Variants in STAG1 observed in about 807,000 individuals in gnomAD.
STAG1 encodes cohesin subunit SA-1.
STAG1 carries 26 observed loss-of-function variants against 170.9 expected under a neutral mutation model. The observed-to-expected ratio is 0.15, with a 90% CI of 0.11 to 0.21. STAG1 has a LOEUF of 0.21. STAG1 is among the 10% of genes least tolerant of loss of function. STAG1 has a pLI of 1.00. For missense variants in STAG1, 964 were observed against 1,509.5 expected (o/e 0.64, Z 5.99); for synonymous variants, 514 against 497.7 (o/e 1.03, Z -0.44).
intron 9 of STAG1, among the ~76,000 whole-genome samples, chr3:136,493,922 T>C (rs1243228621): frequency 8.5e-5 from 13 of 152,278 alleles, no homozygotes; most frequent in Admixed American, 7.8e-4. Context: ...TTGCATGAAA[T>C]AGACATATTG....
intron 21 of STAG1, among the ~76,000 whole-genome samples, chr3:136,399,718 G>A (rs1576428113): frequency 1.3e-5 from 2 of 152,084 alleles, no homozygotes; most frequent in East Asian, 3.9e-4. Flanking sequence ...TTTTTCTAGG[G>A]CAGAGGTTTT....
At chr3:136,448,211 T>C (rs2088840081) in intron 14 of STAG1, among the ~76,000 whole-genome samples, 1 of 152,172 alleles carries the variant, frequency 6.6e-6, no homozygotes, top group Non-Finnish European at 1.5e-5. Context: ...TTACTACTTC[T>C]CATTTCAGTA....
chr3:136,628,330 T>G (rs1295570428), intron 2 of STAG1, among the ~76,000 whole-genome samples: 2 of 152,126 alleles, frequency 1.3e-5, no homozygotes, highest in Admixed American at 1.3e-4. Context: ...TATAGCAGTG[T>G]GAAAATGGAA....
chr3:136,687,983 C>G (rs1000883041), intron 1 of STAG1, among the ~76,000 whole-genome samples: 3 of 152,012 alleles, frequency 2.0e-5, no homozygotes, highest in Non-Finnish European at 4.4e-5. Context: ...GTGATCCACC[C>G]GCCTCGACCT....
chr3:136,640,692 T>A (rs899667010), intron 1 of STAG1, among the ~76,000 whole-genome samples: 3 of 147,240 alleles, frequency 2.0e-5, no homozygotes, highest in Admixed American at 6.8e-5. Context: ...TTTTTTTTTT[T>A]AGACAGAGTC....
chr3:136,547,410 CTT>C (rs980988710), intron 5 of STAG1, among the ~76,000 whole-genome samples: 60 of 152,308 alleles, frequency 3.9e-4, no homozygotes, highest in African/African-American at 1.3e-3. Flanking sequence ...CACTGTGACA[CTT>C]TCTCAGACTG....
intron 21 of STAG1, among the ~76,000 whole-genome samples, chr3:136,399,451 G>T (rs1380420804): frequency 1.3e-5 from 2 of 151,976 alleles, no homozygotes; most frequent in African/African-American, 4.8e-5. Flanking sequence ...AGTTTTTTAC[G>T]CATATCGTTG....
chr3:136,471,643 T>A lies in STAG1; in HGVS notation c.1205+770A>T, dbSNP rs1255345608. On this transcript the variant is annotated intron_variant, in intron 12 of 33. Transcript: ENST00000383202. ...TATGACTTTGCTAGGATATATTCTC[T>A]CACATAGATTCTTGCTAGTTTTTAG... is the stretch of plus-strand genomic sequence containing the variant. 2.6e-5 allele frequency among the ~76,000 whole-genome samples: 4 copies of A among 152,328 alleles called. No homozygotes were observed. The East Asian group carries it at 7.7e-4, about 29-fold the overall frequency.
At chr3:136,534,239 C>T (rs537307206) in intron 6 of STAG1, among the ~76,000 whole-genome samples, 3 of 152,206 alleles carry the variant, frequency 2.0e-5, no homozygotes, top group East Asian at 1.9e-4. Context: ...CTATCTCTCA[C>T]GTTATATAAA....
At chr3:136,654,224 C>T (rs1941301971) in intron 1 of STAG1, among the ~76,000 whole-genome samples, 1 of 152,136 alleles carries the variant, frequency 6.6e-6, no homozygotes, top group Admixed American at 6.5e-5. Flanking sequence ...ACAACATAAT[C>T]CTGTATGTAG....
chr3:136,697,743 C>G (rs1282664982), intron 1 of STAG1, among the ~76,000 whole-genome samples: 1 of 152,214 alleles, frequency 6.6e-6, no homozygotes, highest in Non-Finnish European at 1.5e-5. Flanking sequence ...GAATTAGACA[C>G]AACCCAGGCA....
At chr3:136,499,921 A>C (rs1933378587) in intron 9 of STAG1, 1 of 183,926 alleles carries the variant, frequency 5.4e-6, no homozygotes, top group African/African-American at 2.4e-5. Context: ...TGAAAACAAG[A>C]ATATCTTATT....
At chr3:136,650,099 G>A (rs1174556612) in intron 1 of STAG1, among the ~76,000 whole-genome samples, 1 of 152,004 alleles carries the variant, frequency 6.6e-6, no homozygotes, top group African/African-American at 2.4e-5. Context: ...AGTTAGGCAA[G>A]GTGGCATGTG....
chr3:136,395,324 TA>T (rs1242488895), intron 22 of STAG1, among the ~76,000 whole-genome samples: 1 of 151,806 alleles, frequency 6.6e-6, no homozygotes, highest in Non-Finnish European at 1.5e-5. Context: ...AATATAGTTG[TA>T]AAAAGACAAA....
chr3:136,632,673 A>G (rs1013785793), intron 1 of STAG1, among the ~76,000 whole-genome samples: 2 of 151,918 alleles, frequency 1.3e-5, no homozygotes, highest in Non-Finnish European at 2.9e-5. Flanking sequence ...GCTTTCAAAG[A>G]CTCCCACGTA....
intron 6 of STAG1, among the ~76,000 whole-genome samples, chr3:136,534,507 T>C (rs962429161): frequency 1.3e-4 from 19 of 151,876 alleles, no homozygotes; most frequent in African/African-American, 4.4e-4. Context: ...TTGCAAACTA[T>C]TCATCCAACA....
At position 136,464,785 on chromosome 3, in the gene STAG1, C is replaced by T. The variant is rs2107798850; in HGVS notation, c.1313+96G>A. The T allele has an allele frequency of 4.1e-6, 4 of 970,366 alleles. No homozygotes were observed. In the South Asian group the frequency reaches 6.9e-5, roughly 17 times the overall value. 60.1% of individuals were successfully genotyped at this position (970,366 alleles called of 1,614,324 possible). A position where few individuals can be genotyped will look rare whatever the true frequency, so the allele number is the denominator to read the frequency against. ...GAGTATCAGATGGACATTTTCAGCA[C>T]TGTGTTCAGTCACTATTACTCTCTT... On this transcript the variant is annotated intron_variant, in intron 13 of 33. Coordinates refer to ENST00000383202, the MANE Select transcript of STAG1 (RefSeq NM_005862.3).
Position 136,502,646 on chromosome 3 carries a change from T to C in STAG1, c.810A>G (p.Leu270=), listed in dbSNP as rs1933545103. The change falls in exon 8 of 34, where the codon CTA becomes CTG. Residue 270 remains leucine (L), a synonymous_variant. Coordinates refer to ENST00000383202, the MANE Select transcript of STAG1 (RefSeq NM_005862.3). The part of the protein sequence containing the change: ...GKRANERLEL[L]LQKRKELQEN... ...AACTTACCTCTTTGCGTTTCTGAAG[T>C]AGTAACTCCAACCTTTCATTGGCTC... The C allele has an allele frequency of 6.2e-6, 10 of 1,613,474 alleles. No homozygotes were observed. In the Middle Eastern group the frequency reaches 5.0e-4, roughly 80 times the overall value.
intron 9 of STAG1, among the ~76,000 whole-genome samples, chr3:136,495,886 G>A (rs1165685306): frequency 6.6e-6 from 1 of 150,582 alleles, no homozygotes; most frequent in African/African-American, 2.4e-5. Flanking sequence ...GGAGAATGGC[G>A]TGAACCTGGG....
Sources: allele counts gnomAD v4.1 joint callset (sites outside exome capture counted in the v4.1 genomes callset), GRCh38; gene constraint gnomAD v4.1.1; transcripts MANE v1.5; gene names NCBI Gene and HGNC (gene_info 2026-07-23, HGNC 2026-07-21).